ZNF280D: variants seen among roughly 807,000 people sequenced by gnomAD.
ZNF280D encodes zinc finger protein 280D.
A neutral mutation model predicts 94.7 loss-of-function variants in ZNF280D; 39 were observed. The ratio of observed to expected loss-of-function variants is 0.41; its 90% confidence interval spans 0.32 to 0.54. The LOEUF (loss-of-function observed/expected upper bound fraction) is 0.54. Ranked by LOEUF, ZNF280D falls within the 20% of genes least tolerant of loss-of-function variation. The pLI, the probability that ZNF280D is intolerant of heterozygous loss-of-function variation, is 0.22. For missense variants in ZNF280D, 1,090 were observed against 1,149.3 expected (o/e 0.95, Z 0.75); for synonymous variants, 398 against 377.6 (o/e 1.05, Z -0.63).
Position 56,658,505 on chromosome 15 carries a change from T to C in ZNF280D, c.1995-19A>G, listed in dbSNP as rs750154831. ...ATGAAAGCTGGAGAAACAAAAGAGA[T>C]AGTAAAAATTTTATTATACAATAAG... On this transcript the variant is annotated intron_variant, in intron 16 of 21. Transcript: ENST00000267807. The C allele has an allele frequency of 2.2e-5, 33 of 1,527,744 alleles. No homozygotes were observed. In the East Asian group the frequency reaches 6.0e-4, roughly 28 times the overall value. 94.6% of individuals were successfully genotyped at this position (1,527,744 alleles called of 1,614,324 possible). A position where few individuals can be genotyped will look rare whatever the true frequency, so the allele number is the denominator to read the frequency against.
intron 20 of ZNF280D, among the ~76,000 whole-genome samples, chr15:56,639,527 G>A (rs1566927160): frequency 6.6e-6 from 1 of 152,022 alleles, no homozygotes; most frequent in Non-Finnish European, 1.5e-5. Context: ...ACCAGTGACA[G>A]AGATAATCAC....
chr15:56,728,551 T>G (rs2058738076), intron 1 of ZNF280D, among the ~76,000 whole-genome samples: 1 of 152,194 alleles, frequency 6.6e-6, no homozygotes, highest in Admixed American at 6.5e-5. Flanking sequence ...CAGTATTGCA[T>G]TTTGATGATG....
chr15:56,664,625 CTAAAA>C (rs1300077126), intron 16 of ZNF280D, among the ~76,000 whole-genome samples: 1 of 151,984 alleles, frequency 6.6e-6, no homozygotes, highest in African/African-American at 2.4e-5. Context: ...AACTGAGAAA[CTAAAA>C]TAAAATCTTT....
intron 16 of ZNF280D, among the ~76,000 whole-genome samples, chr15:56,660,207 A>T (rs895678684): frequency 1.6e-4 from 24 of 152,280 alleles, no homozygotes; most frequent in Middle Eastern, 3.4e-3. Context: ...ATTTTGTTTG[A>T]TTACTAAAAC....
intron 20 of ZNF280D, among the ~76,000 whole-genome samples, chr15:56,639,387 G>A (rs1374771305): frequency 6.6e-6 from 1 of 151,202 alleles, no homozygotes; most frequent in Non-Finnish European, 1.5e-5. Context: ...AAATAAAAGT[G>A]AGCATTTACC....
intron 1 of ZNF280D, among the ~76,000 whole-genome samples, chr15:56,709,521 A>G (rs1335337983): frequency 6.6e-6 from 1 of 152,204 alleles, no homozygotes; most frequent in Non-Finnish European, 1.5e-5. Flanking sequence ...ATATACTCAA[A>G]GGATTATAAA....
intron 6 of ZNF280D, chr15:56,700,171 A>G: frequency 1.0e-6 from 1 of 978,358 alleles, no homozygotes; most frequent in Non-Finnish European, 1.2e-6. Flanking sequence ...TTCATGTCTA[A>G]AAAAGTGTAC....
chr15:56,733,491 T>C lies in ZNF280D; in HGVS notation c.-119A>G, dbSNP rs950755554. 1 of 1,136,018 alleles carries C rather than the reference T, an allele frequency of 8.8e-7. No individual in the cohort carries two copies. The highest frequency in any genetic ancestry group is 1.1e-6 in the Non-Finnish European group (1 of 915,532). The allele number at this position is 1,136,018 out of a possible 1,614,324, so 70.4% of individuals were successfully genotyped here. A position where few individuals can be genotyped will look rare whatever the true frequency, so the allele number is the denominator to read the frequency against. ...GAGCGGATCGGCCTGACTGGAGCCC[T>C]GAGGAGGAGGAGAAAGAGGAGGAGG... is the stretch of plus-strand genomic sequence containing the variant. On this transcript the variant is annotated 5_prime_UTR_variant, in exon 1 of 22. Transcript: ENST00000267807.
intron 7 of ZNF280D, among the ~76,000 whole-genome samples, chr15:56,692,784 G>C (rs1287701263): frequency 6.6e-6 from 1 of 152,040 alleles, no homozygotes; most frequent in Non-Finnish European, 1.5e-5. Flanking sequence ...TTTAAACAGA[G>C]TATTCAGGCT....
chr15:56,714,950 G>A (rs1343670583), intron 1 of ZNF280D, among the ~76,000 whole-genome samples: 1 of 151,996 alleles, frequency 6.6e-6, no homozygotes, highest in Non-Finnish European at 1.5e-5. Flanking sequence ...TACCTATTAG[G>A]GGGATTATGA....
intron 1 of ZNF280D, among the ~76,000 whole-genome samples, chr15:56,720,439 CAA>C (rs2058295175): frequency 6.6e-6 from 1 of 152,178 alleles, no homozygotes; most frequent in South Asian, 2.1e-4. Context: ...TTGAAACTCT[CAA>C]AGTCATCCAT....
intron 1 of ZNF280D, among the ~76,000 whole-genome samples, chr15:56,710,930 A>T (rs2141291413): frequency 6.6e-6 from 1 of 152,320 alleles, no homozygotes; most frequent in East Asian, 1.9e-4. Context: ...AGAATATCGC[A>T]CTAGAAACCA....
Position 56,630,875 on chromosome 15 carries a change from A to G in ZNF280D, c.*623T>C, listed in dbSNP as rs1354496054. Reference sequence around the variant, plus strand: ...CAGGCTAACACTTGTATGGAGGTACAAAGATTCAAATATTCTGTTTACATG... The same window carrying G: ...CAGGCTAACACTTGTATGGAGGTACGAAGATTCAAATATTCTGTTTACATG... On this transcript the variant is annotated 3_prime_UTR_variant, in exon 22 of 22. Coordinates refer to ENST00000267807, the MANE Select transcript of ZNF280D (RefSeq NM_017661.4). 2 of 152,284 alleles carry G rather than the reference A, an allele frequency of 1.3e-5. No individual in the cohort carries two copies. Among genetic ancestry groups the G allele is most frequent in the African/African-American group, 4.8e-5 (2 of 41,478 alleles). The allele number at this position is 152,284 out of a possible 1,614,324, so 9.4% of individuals were successfully genotyped here.
intron 1 of ZNF280D, among the ~76,000 whole-genome samples, chr15:56,717,337 C>T (rs1023827430): frequency 3.3e-5 from 5 of 151,910 alleles, no homozygotes; most frequent in Non-Finnish European, 7.4e-5. Flanking sequence ...AGTTATTTAA[C>T]CTAAAAAACC....
chr15:56,656,558 G>C (rs12591502), intron 17 of ZNF280D, among the ~76,000 whole-genome samples: 73,284 of 152,078 alleles, frequency 0.48, 19,563 homozygotes, highest in East Asian at 0.61. Context: ...TATTTCCCTA[G>C]ATTCAGTAAA....
chr15:56,715,719 CA>C (rs563900103), intron 1 of ZNF280D, among the ~76,000 whole-genome samples: 95 of 147,726 alleles, frequency 6.4e-4, no homozygotes, highest in Non-Finnish European at 1.2e-3. Context: ...TGTATTTGCC[CA>C]AAAAAAAAAT....
Position 56,632,039 on chromosome 15 carries a change from T to C in ZNF280D, c.2399A>G (p.Glu800Gly), listed in dbSNP as rs1471358545. The change falls in exon 22 of 22, where the codon GAA (glutamate) becomes GGA (glycine). Residue 800 changes from glutamate to glycine, a missense_variant. Glu to Gly is a moderately conservative substitution (Grantham distance 98, BLOSUM62 -2). Coordinates refer to ENST00000267807, the MANE Select transcript of ZNF280D (RefSeq NM_017661.4). ...CTTATCTGAAACTGTTATGCTTTCT[T>C]CACTTTTTGTTGTTGATGAGCCTTC... ...SFEGSSTTKS[E>G]ESITVSDKEN... 2 of 1,613,210 alleles carry C rather than the reference T, an allele frequency of 1.2e-6. No homozygotes were observed. The highest frequency in any genetic ancestry group is 3.3e-5 in the Admixed American group (2 of 59,954).
intron 1 of ZNF280D, among the ~76,000 whole-genome samples, chr15:56,710,872 T>A (rs1439623077): frequency 1.3e-5 from 2 of 151,524 alleles, no homozygotes; most frequent in African/African-American, 2.4e-5. Context: ...AAGAAAAAAA[T>A]TAAGCAATTT....
Position 56,731,925 on chromosome 15 carries a change from C to A in ZNF280D, c.-86+1533G>T, listed in dbSNP as rs149648262. On this transcript the variant is annotated intron_variant, in intron 1 of 21. Coordinates refer to ENST00000267807, the MANE Select transcript of ZNF280D (RefSeq NM_017661.4). ...AGATGGTGCACACCTGTAATCCCAG[C>A]TACGGAGGCTGAGGTGAGAGGTCAG... is the stretch of plus-strand genomic sequence containing the variant. Among the ~76,000 whole-genome samples the A allele has an allele frequency of 2.0e-3, 305 of 152,290 alleles. 1 individual carries two copies. The highest frequency in any genetic ancestry group is 7.0e-3 in the African/African-American group (290 of 41,558).
Sources: gnomAD v4.1 joint callset for allele counts (sites outside exome capture counted in the v4.1 genomes callset) on GRCh38, gnomAD v4.1.1 for gene constraint, MANE v1.5 for transcripts, NCBI Gene and HGNC (gene_info 2026-07-23, HGNC 2026-07-21) for gene names.